Variants in UBR4 observed in about 807,000 individuals in gnomAD.
UBR4 encodes ubiquitin protein ligase E3 component n-recognin 4.
UBR4 carries 124 observed loss-of-function variants against 575.6 expected under a neutral mutation model. The observed-to-expected ratio is 0.22, with a 90% CI of 0.19 to 0.25. The LOEUF is 0.25. UBR4 is among the 10% of genes least tolerant of loss of function. UBR4 has a pLI of 1.00. For synonymous variants in UBR4, 2,455 were observed against 2,473.7 expected, an observed-to-expected ratio of 0.99 and a Z score of 0.22; for missense variants, 4,818 against 6,478.8, an observed-to-expected ratio of 0.74 and a Z score of 8.80.
At chr1:19,167,322 A>C (rs1257717161) in intron 28 of UBR4, 91 bp from the exon 29 acceptor site, 1 of 1,417,924 alleles carries the variant, frequency 7.1e-7, no homozygotes, top group Non-Finnish European at 9.8e-7. Context: ...CTTGCCGGGG[A>C]AGAGGGGAAG....
intron 29 of UBR4, among the ~76,000 whole-genome samples, chr1:19,166,596 G>A (rs2088452310): frequency 6.6e-6 from 1 of 151,596 alleles, no homozygotes; most frequent in Admixed American, 6.6e-5. Context: ...ACAATAAGCT[G>A]GCCATGTGTG....
In UBR4 at chr1:19,146,059, T is replaced by C. The variant is rs1234512958; in HGVS notation, c.7805-126A>G. The C allele has an allele frequency of 2.5e-6, 4 of 1,573,246 alleles. No individual in the cohort carries two copies. The South Asian group carries it at 4.6e-5, about 18-fold the overall frequency. On this transcript the variant is annotated intron_variant, in intron 52 of 105. Transcript: ENST00000375254. ...GTTTCAAGTGGGGCCCCAATCAATA[T>C]GCCAACTATCCCTAGACTCCAGCAG...
chr1:19,170,636 A>C, intron 26 of UBR4, 126 bp downstream of exon 26: 1 of 1,305,588 alleles, frequency 7.7e-7, no homozygotes, highest in South Asian at 1.4e-5. Context: ...ACCTACCTAA[A>C]TGCTTGATAC....
intron 61 of UBR4, 65 bp from the exon 62 acceptor site, chr1:19,128,383 G>A: frequency 7.2e-7 from 1 of 1,386,084 alleles, no homozygotes; most frequent in African/African-American, 1.4e-5. Flanking sequence ...GAAATACGGG[G>A]TGTTTCAGAA....
rs963312847 is a variant in UBR4, at chr1:19,100,702, A to T, written c.13024-129T>A. ...GCAAGCCCCCCAAACATTTAAAGAT[A>T]CAAAGGACAGGAAACTCAGAGGTAC... On this transcript the variant is annotated intron_variant, in intron 88 of 105. Transcript: ENST00000375254. The surrounding 1 kb of genome is among the most constrained non-coding windows in gnomAD (Gnocchi z 4.2). 2.3e-6 allele frequency: 2 copies of T among 863,164 alleles called. No individual in the cohort carries two copies. Among genetic ancestry groups the T allele is most frequent in the African/African-American group, 1.7e-5 (1 of 58,788 alleles). 53.5% of individuals were successfully genotyped at this position (863,164 alleles called of 1,614,324 possible).
At chr1:19,176,793 A>T in intron 19 of UBR4, 66 bp from the exon 20 acceptor site, 1 of 1,563,398 alleles carries the variant, frequency 6.4e-7, no homozygotes, top group Non-Finnish European at 8.7e-7. Context: ...TCACTCAGGC[A>T]TGATAATAGC....
chr1:19,123,738 G>A (rs886320255), intron 65 of UBR4, among the ~76,000 whole-genome samples: 1 of 152,154 alleles, frequency 6.6e-6, no homozygotes, highest in African/African-American at 2.4e-5. Context: ...AGAAGATTGG[G>A]TTGGTACAAC....
intron 2 of UBR4, among the ~76,000 whole-genome samples, chr1:19,200,356 G>C (rs940649964): frequency 1.1e-4 from 17 of 152,048 alleles, no homozygotes; most frequent in Admixed American, 3.3e-4. Context: ...CCATCACATG[G>C]TCCTCAGGCT....
rs1014777616 is a variant in UBR4 at position 19,199,900 on chromosome 1, A to T, written c.275-146T>A. Reference sequence around the variant, plus strand: ...AAAAACCCAAGGGGTAAACAAAGGCATTTTGACATCAATAACTACCAGATC... The same window carrying T: ...AAAAACCCAAGGGGTAAACAAAGGCTTTTTGACATCAATAACTACCAGATC... On this transcript the variant is annotated intron_variant, in intron 2 of 105. Coordinates refer to ENST00000375254, the MANE Select transcript of UBR4 (RefSeq NM_020765.3). The T allele has an allele frequency of 6.1e-5, 41 of 673,264 alleles. No individual in the cohort carries two copies. In the African/African-American group the frequency reaches 6.6e-4, roughly 11 times the overall value. 41.7% of individuals were successfully genotyped at this position (673,264 alleles called of 1,614,324 possible). A position where few individuals can be genotyped will look rare whatever the true frequency, so the allele number is the denominator to read the frequency against.
chr1:19,152,535 G>A lies in UBR4; in HGVS notation c.6833-59C>T. The stretch of plus-strand genomic sequence containing the variant: ...CTCCCACCTCTGCCCCAACACCACT[G>A]GTAAAGACTCCTCCCAGACAGAGCC... On this transcript the variant is annotated intron_variant, in intron 46 of 105. Coordinates refer to ENST00000375254, the MANE Select transcript of UBR4 (RefSeq NM_020765.3). The surrounding 1 kb of genome is among the most constrained non-coding windows in gnomAD (Gnocchi z 4.4). The A allele has an allele frequency of 1.2e-6, 2 of 1,603,198 alleles. No homozygotes were observed. The highest frequency in any genetic ancestry group is 2.2e-5 in the South Asian group (2 of 89,924).
chr1:19,153,818 G>A lies in UBR4; in HGVS notation c.6580C>T (p.Pro2194Ser). Residue 2194 changes from proline to serine, a missense_variant, in exon 45 of 106, where the codon CCA (proline) becomes TCA (serine). Physicochemically the swap from Pro to Ser is moderately conservative, Grantham distance 74 (BLOSUM62 -1). Transcript: ENST00000375254. This position sits in a 1 kb window ranked among gnomAD's most constrained non-coding sequence, Gnocchi z 4.1. ...TGVPLVVMVK[P>S]DTFLIQEIKT... ...ATCTCCTGGATAAGAAAAGTGTCTG[G>A]TTTCACCATAACTACCAGCGGCACC... 2 of 1,614,162 alleles carry A rather than the reference G, an allele frequency of 1.2e-6. No homozygotes were observed. The highest frequency in any genetic ancestry group is 2.7e-5 in the African/African-American group (2 of 75,030).
intron 76 of UBR4, 52 bp downstream of exon 76, chr1:19,113,893 T>G: frequency 6.2e-7 from 1 of 1,614,184 alleles, no homozygotes; most frequent in African/African-American, 1.3e-5. Flanking sequence ...GAGGCAGTCT[T>G]CTGATCAAGA....
chr1:19,105,774 G>A lies in UBR4; in HGVS notation c.12462C>T (p.Thr4154=), dbSNP rs756561701. ...AACTIVEALA[T]IPSRKQQVLD... is the part of the protein sequence containing the mutation. ...GGACCTGCTGCTTGCGGCTGGGAAT[G>A]GTGGCTAGAGCTTCCACAATGGTAC... Residue 4154 remains threonine, a synonymous_variant, in exon 84 of 106, where the codon ACC becomes ACT. Coordinates refer to ENST00000375254, the MANE Select transcript of UBR4 (RefSeq NM_020765.3). 6.2e-7 allele frequency: 1 copy of A among 1,610,302 alleles called. No homozygotes were observed. The highest frequency in any genetic ancestry group is 8.5e-7 in the Non-Finnish European group (1 of 1,178,944).
At chr1:19,170,913 C>T (rs2089436281) in intron 25 of UBR4, 30 bp from the exon 26 acceptor site, 1 of 1,613,930 alleles carries the variant, frequency 6.2e-7, no homozygotes, top group Non-Finnish European at 8.5e-7. Context: ...AAAGTGAAGC[C>T]ATAAGATTCT....
At chr1:19,112,214 T>G in intron 78 of UBR4, 1 of 327,374 alleles carries the variant, frequency 3.1e-6, no homozygotes, top group South Asian at 6.0e-5. Flanking sequence ...TTCTTTCATG[T>G]GAGTCTTTCT....
At chr1:19,120,089 T>C in intron 69 of UBR4, 91 bp downstream of exon 69, 2 of 1,443,504 alleles carry the variant, frequency 1.4e-6, no homozygotes, top group Non-Finnish European at 1.9e-6. Context: ...ACTGACTCTG[T>C]GACCATATGT....
intron 58 of UBR4, among the ~76,000 whole-genome samples, chr1:19,140,259 A>G (rs1264682331): frequency 6.6e-6 from 1 of 151,984 alleles, no homozygotes; most frequent in Non-Finnish European, 1.5e-5. Flanking sequence ...GAAAATAAAG[A>G]GAAGATGAGT....
intron 25 of UBR4, among the ~76,000 whole-genome samples, chr1:19,172,044 G>C (rs1179951572): frequency 6.6e-6 from 1 of 152,152 alleles, no homozygotes; most frequent in Non-Finnish European, 1.5e-5. Flanking sequence ...ATCTAAACTT[G>C]TGAATAATCT....
intron 81 of UBR4, among the ~76,000 whole-genome samples, chr1:19,108,370 A>C (rs2079461752): frequency 6.6e-6 from 1 of 152,132 alleles, no homozygotes; most frequent in African/African-American, 2.4e-5. Flanking sequence ...GAACAACCAC[A>C]ATTTGCCCAT....
Sources: gnomAD v4.1 joint callset for allele counts (sites outside exome capture counted in the v4.1 genomes callset) on GRCh38, gnomAD v4.1.1 for gene constraint, Gnocchi (gnomAD v3.1) non-coding constraint, MANE v1.5 for transcripts, NCBI Gene and HGNC (gene_info 2026-07-23, HGNC 2026-07-21) for gene names.